MAP4: variants seen among roughly 807,000 people sequenced by gnomAD.
MAP4 encodes the protein microtubule-associated protein 4.
In MAP4, 76 loss-of-function variants were observed where a neutral mutation model predicts 170.2. The ratio of observed to expected loss-of-function variants is 0.45; its 90% CI spans 0.37 to 0.54. The LOEUF (loss-of-function observed/expected upper bound fraction) is 0.54, where lower values mean the gene tolerates loss of function less well. Ranked by LOEUF, MAP4 falls within the 20% of genes least tolerant of loss-of-function variation. MAP4 has a pLI of 0.00. For synonymous variants in MAP4, 909 were observed against 994.5 expected (o/e 0.91, Z 1.62); for missense variants, 2,506 against 2,748.0 (o/e 0.91, Z 1.97).
intron 3 of MAP4, chr3:47,973,927 C>A: frequency 1.0e-6 from 1 of 985,292 alleles, no homozygotes; most frequent in South Asian, 4.7e-5. Context: ...AACCTCTTTC[C>A]TTTAAAACAT....
intron 1 of MAP4, among the ~76,000 whole-genome samples, chr3:48,084,634 G>T (rs1428878740): frequency 6.6e-6 from 1 of 150,944 alleles, no homozygotes; most frequent in Non-Finnish European, 1.5e-5. Context: ...CTGAAGTGCA[G>T]TGGCACAATC....
At chr3:47,942,947 C>CA (rs886990820) in intron 3 of MAP4, among the ~76,000 whole-genome samples, 1 of 151,738 alleles carries the variant, frequency 6.6e-6, no homozygotes, top group African/African-American at 2.4e-5. Flanking sequence ...CCAACCTCTA[C>CA]AAAAAAAATT....
chr3:48,015,464 A>C (rs951705786), intron 1 of MAP4, among the ~76,000 whole-genome samples: 4 of 152,194 alleles, frequency 2.6e-5, no homozygotes, highest in African/African-American at 9.7e-5. Context: ...CTCATTCCTC[A>C]GGCTTGAAAG....
At position 47,967,390 on chromosome 3, in the gene MAP4, C is replaced by T. The variant is rs1039092140; in HGVS notation, c.292+10475G>A. Among the ~76,000 whole-genome samples, 4 of 151,896 alleles carry T rather than the reference C, an allele frequency of 2.6e-5. No homozygotes were observed. The East Asian group carries it at 7.8e-4, about 29-fold the overall frequency. On this transcript the variant is annotated intron_variant, in intron 3 of 20. Coordinates refer to ENST00000683076, the MANE Select transcript of MAP4 (RefSeq NM_001385682.1). ...CATTTAGGCTGGGTGCAGTGGCTTACGCCTGCAATCCCAACACTTTGGGAG... is the reference window on the plus strand; with the variant it reads ...CATTTAGGCTGGGTGCAGTGGCTTATGCCTGCAATCCCAACACTTTGGGAG...
At chr3:48,087,959 C>G (rs2100150204) in intron 1 of MAP4, among the ~76,000 whole-genome samples, 1 of 152,036 alleles carries the variant, frequency 6.6e-6, no homozygotes, top group Non-Finnish European at 1.5e-5. Context: ...AAAGCACAAA[C>G]CTAAAGGTAA....
intron 1 of MAP4, among the ~76,000 whole-genome samples, chr3:48,076,138 T>C (rs1163818996): frequency 6.6e-6 from 1 of 151,640 alleles, no homozygotes; most frequent in Non-Finnish European, 1.5e-5. Context: ...TCCCAGCATT[T>C]TGGGAGGCAA....
chr3:47,988,838 G>A (rs1413497564), intron 2 of MAP4, among the ~76,000 whole-genome samples: 1 of 151,750 alleles, frequency 6.6e-6, no homozygotes, highest in African/African-American at 2.4e-5. Context: ...TTTTTGAGAC[G>A]GAGTCTCGCT....
chr3:47,873,251 C>T (rs2094089457), intron 12 of MAP4, among the ~76,000 whole-genome samples: 1 of 152,204 alleles, frequency 6.6e-6, no homozygotes, highest in South Asian at 2.1e-4. Context: ...GCATCTGGGT[C>T]ACTCTAGTTC....
intron 1 of MAP4, among the ~76,000 whole-genome samples, chr3:48,048,285 G>C (rs985239688): frequency 6.6e-6 from 1 of 152,142 alleles, no homozygotes; most frequent in Non-Finnish European, 1.5e-5. Flanking sequence ...GAAAGCCACA[G>C]ACAATGGAGC....
At chr3:48,027,939 A>C (rs1307848025) in intron 1 of MAP4, among the ~76,000 whole-genome samples, 1 of 152,212 alleles carries the variant, frequency 6.6e-6, no homozygotes, top group Non-Finnish European at 1.5e-5. Context: ...ATACCCATTC[A>C]CACAATATCT....
At chr3:48,071,514 C>G (rs1423391710) in intron 1 of MAP4, among the ~76,000 whole-genome samples, 1 of 152,078 alleles carries the variant, frequency 6.6e-6, no homozygotes, top group African/African-American at 2.4e-5. Flanking sequence ...CCAAACCACA[C>G]TCCAGAGCCT....
chr3:47,902,316 A>G (rs1428370755), intron 10 of MAP4, among the ~76,000 whole-genome samples: 1 of 152,156 alleles, frequency 6.6e-6, no homozygotes, highest in African/African-American at 2.4e-5. Context: ...AGTAAGGTTC[A>G]ATAAATGGTA....
chr3:48,064,771 T>C (rs140836347), intron 1 of MAP4, among the ~76,000 whole-genome samples: 1 of 152,272 alleles, frequency 6.6e-6, no homozygotes, highest in Non-Finnish European at 1.5e-5. Flanking sequence ...CTATATGGTA[T>C]AATCTGTTGC....
intron 1 of MAP4, among the ~76,000 whole-genome samples, chr3:48,087,743 G>GCACACACACA (rs1211603666): frequency 2.9e-5 from 2 of 67,948 alleles, no homozygotes; most frequent in African/African-American, 1.2e-4. Flanking sequence ...ACACACGCAC[G>GCACACACACA]CGCACACACA....
In MAP4 at chr3:47,911,362, G is replaced by A. The variant is rs1001365283; in HGVS notation, c.3059C>T (p.Ala1020Val). The A allele has an allele frequency of 2.6e-6, 4 of 1,535,972 alleles. No individual in the cohort carries two copies. Among genetic ancestry groups the A allele is most frequent in the Middle Eastern group, 1.7e-4 (1 of 5,988 alleles). The change falls in exon 9 of 21, where the codon GCT (alanine) becomes GTT (valine). Residue 1020 changes from alanine to valine, a missense_variant. Around this residue, in one of 3 missense-constraint regions of MAP4, gnomAD observed 2,008 missense variants for 2,206.0 expected, o/e 0.91. Transcript: ENST00000683076. This position sits in a 1 kb window ranked among gnomAD's most constrained non-coding sequence, Gnocchi z 4.0. ...GATCTCTTGTCTTTCGTTGGGAAAA[G>A]CTTCCTTTTTTAGTTCTTTATCCTC... ...AEEDKELKKE[A>V]FPNERQEISI... is the part of the protein sequence containing the mutation.
intron 17 of MAP4, among the ~76,000 whole-genome samples, chr3:47,865,517 G>A (rs940787615): frequency 6.7e-5 from 4 of 60,090 alleles, no homozygotes; most frequent in Non-Finnish European, 1.2e-4. Flanking sequence ...GGGCAGGAAG[G>A]AGTTGTGTGG....
intron 10 of MAP4, among the ~76,000 whole-genome samples, chr3:47,887,444 G>A (rs1370911287): frequency 2.0e-5 from 3 of 152,188 alleles, no homozygotes; most frequent in South Asian, 2.1e-4. Flanking sequence ...GCTTTCCCGC[G>A]GGGCAGGGCT....
intron 10 of MAP4, among the ~76,000 whole-genome samples, chr3:47,879,003 T>C (rs528539815): frequency 9.9e-5 from 15 of 152,254 alleles, no homozygotes; most frequent in Non-Finnish European, 1.9e-4. Flanking sequence ...AGATAAATTC[T>C]AATCTAGAAA....
intron 3 of MAP4, among the ~76,000 whole-genome samples, chr3:47,933,225 T>C (rs1011872019): frequency 6.6e-6 from 1 of 152,128 alleles, no homozygotes; most frequent in Non-Finnish European, 1.5e-5. Context: ...CACCTGAAAC[T>C]GTAGGTCAGA....
Sources: allele counts gnomAD v4.1 joint callset (sites outside exome capture counted in the v4.1 genomes callset), GRCh38; gene constraint gnomAD v4.1.1; regional missense constraint gnomAD v4.1.1; non-coding constraint Gnocchi (gnomAD v3.1); transcripts MANE v1.5; gene names NCBI Gene and HGNC (gene_info 2026-07-23, HGNC 2026-07-21).